Variants in AFF2 observed in about 807,000 individuals in gnomAD.
AFF2 encodes the protein AF4/FMR2 family member 2.
Under a neutral mutation model 76.9 loss-of-function variants are expected in AFF2, and 14 were observed. The observed-to-expected ratio is 0.18, with a 90% CI of 0.12 to 0.28. The LOEUF is 0.28. Among genes scored for constraint, AFF2 ranks in the 10% least tolerant of loss-of-function variants. The probability of loss-of-function intolerance (pLI) is 1.00; values close to 1 mark genes in which losing one functional copy is unlikely to be tolerated. For missense variants in AFF2, 868 were observed against 1,001.1 expected (o/e 0.87, Z 1.79); for synonymous variants, 398 against 366.7 (o/e 1.09, Z -0.98).
At chrX:148,799,290 C>A (rs1376893631) in intron 3 of AFF2, among the ~76,000 whole-genome samples, 5 of 111,601 alleles carry the variant, frequency 4.5e-5, no homozygotes, top group African/African-American at 9.8e-5. Flanking sequence ...GGTTGCAAAT[C>A]ATTATTTATA....
At chrX:148,902,197 C>T (rs942200612) in intron 8 of AFF2, among the ~76,000 whole-genome samples, 9 of 111,555 alleles carry the variant, frequency 8.1e-5, no homozygotes, top group Non-Finnish European at 1.5e-4. Context: ...AACATGCCTC[C>T]GAATCAAAGG....
chrX:148,642,358 A>C (rs2054098774), intron 1 of AFF2, among the ~76,000 whole-genome samples: 1 of 112,728 alleles, frequency 8.9e-6, no homozygotes, highest in Admixed American at 9.4e-5. Flanking sequence ...AAAAGTAATT[A>C]AGAATACTAT....
intron 3 of AFF2, among the ~76,000 whole-genome samples, chrX:148,663,382 T>C (rs2054327401): frequency 8.9e-6 from 1 of 112,430 alleles, no homozygotes; most frequent in South Asian, 3.7e-4. Context: ...TTTATTCTAC[T>C]TTCATCCTTT....
chrX:148,859,331 G>A (rs782020665), intron 7 of AFF2, among the ~76,000 whole-genome samples: 7 of 109,667 alleles, frequency 6.4e-5, no homozygotes, highest in South Asian at 3.9e-4. Context: ...GTTTACCTAC[G>A]TAACAAACCT....
chrX:148,748,239 A>T (rs2055449042), intron 3 of AFF2, among the ~76,000 whole-genome samples: 1 of 112,329 alleles, frequency 8.9e-6, no homozygotes, highest in Non-Finnish European at 1.9e-5. Flanking sequence ...GAGAGGGTAG[A>T]AGGGCTGTGT....
intron 3 of AFF2, among the ~76,000 whole-genome samples, chrX:148,703,470 T>G (rs1415405499): frequency 2.7e-5 from 3 of 112,130 alleles, no homozygotes; most frequent in African/African-American, 9.7e-5. Flanking sequence ...AAAATAATTG[T>G]CTGATTTATA....
At chrX:148,521,815 T>G (rs904739345) in intron 1 of AFF2, among the ~76,000 whole-genome samples, 5 of 111,896 alleles carry the variant, frequency 4.5e-5, no homozygotes, top group Non-Finnish European at 9.4e-5. Context: ...ATAAGTCAAA[T>G]GTGTCACATC....
At chrX:148,694,724 G>A (rs1185047385) in intron 3 of AFF2, among the ~76,000 whole-genome samples, 5 of 109,394 alleles carry the variant, frequency 4.6e-5, no homozygotes, top group African/African-American at 1.7e-4. Flanking sequence ...ACCTTTTATA[G>A]TAAGGGTTTT....
chrX:148,932,009 T>C (rs2071719649), intron 9 of AFF2, among the ~76,000 whole-genome samples: 1 of 112,116 alleles, frequency 8.9e-6, no homozygotes, highest in Non-Finnish European at 1.9e-5. Context: ...GCCAAAAGAC[T>C]AGCACTCTCC....
At chrX:148,881,441 G>C (rs1557278473) in intron 7 of AFF2, among the ~76,000 whole-genome samples, 1 of 110,449 alleles carries the variant, frequency 9.1e-6, no homozygotes, top group Non-Finnish European at 1.9e-5. Flanking sequence ...AGAACATCGG[G>C]ACCACTCATT....
At chrX:148,851,618 C>T (rs1167082209) in intron 7 of AFF2, among the ~76,000 whole-genome samples, 1 of 111,716 alleles carries the variant, frequency 9.0e-6, no homozygotes, top group Non-Finnish European at 1.9e-5. Flanking sequence ...GATTTAGCAA[C>T]CTATAACTCT....
chrX:148,833,434 C>T (rs1218165107), intron 4 of AFF2, among the ~76,000 whole-genome samples: 2 of 109,727 alleles, frequency 1.8e-5, no homozygotes, highest in African/African-American at 6.7e-5. Flanking sequence ...AACCCTGTCT[C>T]TACTAAAAAA....
intron 7 of AFF2, among the ~76,000 whole-genome samples, chrX:148,875,132 A>C (rs781798358): frequency 1.8e-5 from 2 of 112,155 alleles, no homozygotes; most frequent in South Asian, 7.5e-4. Context: ...TAAATGTTGA[A>C]TTCTCAGAAG....
intron 8 of AFF2, among the ~76,000 whole-genome samples, chrX:148,899,714 A>C (rs2071334195): frequency 9.0e-6 from 1 of 111,621 alleles, no homozygotes; most frequent in Non-Finnish European, 1.9e-5. Context: ...AATACTAATA[A>C]AATCACATTT....
chrX:148,829,387 G>A (rs2070426478), intron 4 of AFF2, among the ~76,000 whole-genome samples: 1 of 111,642 alleles, frequency 9.0e-6, no homozygotes, highest in Non-Finnish European at 1.9e-5. Context: ...AGAAAAGCTT[G>A]GCAGGAATGG....
At chrX:148,602,857 T>C (rs2053639484) in intron 1 of AFF2, among the ~76,000 whole-genome samples, 1 of 110,209 alleles carries the variant, frequency 9.1e-6, no homozygotes, top group Admixed American at 9.7e-5. Context: ...CTGTAAGGAC[T>C]AATGCAGGTA....
At chrX:148,969,242 G>A (rs1473939486) in intron 15 of AFF2, among the ~76,000 whole-genome samples, 1 of 113,041 alleles carries the variant, frequency 8.8e-6, no homozygotes, top group Non-Finnish European at 1.9e-5. Flanking sequence ...TTCCCAATTG[G>A]GGAGATGCTG....
At chrX:148,566,411 A>G (rs2053171734) in intron 1 of AFF2, among the ~76,000 whole-genome samples, 1 of 100,802 alleles carries the variant, frequency 9.9e-6, no homozygotes, top group Non-Finnish European at 2.1e-5. Context: ...ATGAATACCA[A>G]AGATCTATTT....
chrX:148,820,740 A>C (rs1324536316), intron 4 of AFF2, among the ~76,000 whole-genome samples: 1 of 111,583 alleles, frequency 9.0e-6, no homozygotes, highest in Non-Finnish European at 1.9e-5. Context: ...TACTTTCATA[A>C]AAATATTTAA....
Sources: gnomAD v4.1 joint callset for allele counts (sites outside exome capture counted in the v4.1 genomes callset) on GRCh38, gnomAD v4.1.1 for gene constraint, MANE v1.5 for transcripts, NCBI Gene and HGNC (gene_info 2026-07-23, HGNC 2026-07-21) for gene names.